The following EIF4A3 variants were observed in gnomAD, a reference collection of about 807,000 sequenced individuals.
The protein encoded by EIF4A3 is eukaryotic translation initiation factor 4A3, also known as eukaryotic initiation factor 4A-III.
A neutral mutation model predicts 55.6 loss-of-function variants in EIF4A3; 1 was observed. The ratio of observed to expected loss-of-function variants is 0.02; its 90% CI spans 0.01 to 0.09. The LOEUF is 0.09. EIF4A3 is among the 10% of genes least tolerant of loss of function. The pLI is 1.00. For synonymous variants in EIF4A3, 194 were observed against 196.3 expected, an observed-to-expected ratio of 0.99 and a Z score of 0.10; for missense variants, 221 against 540.7, an observed-to-expected ratio of 0.41 and a Z score of 5.86.
At chr17:80,136,576 G>C (rs1180470499) in intron 9 of EIF4A3, 1 of 529,934 alleles carries the variant, frequency 1.9e-6, no homozygotes, top group Non-Finnish European at 3.3e-6. Flanking sequence ...TAAAAAAATA[G>C]ACATCTTTTA....
At chr17:80,135,687 G>C in intron 11 of EIF4A3, 181 bp from the exon 12 acceptor site, 1 of 632,946 alleles carries the variant, frequency 1.6e-6, no homozygotes, top group Admixed American at 3.2e-5. Flanking sequence ...TTTGAGGCCA[G>C]GAGTTCGAGA....
intron 6 of EIF4A3, 116 bp from the exon 7 acceptor site, chr17:80,139,278 A>C (rs1324399096): frequency 1.4e-6 from 2 of 1,388,134 alleles, no homozygotes; most frequent in East Asian, 4.7e-5. Context: ...GGTACGTTTG[A>C]CAGGAAATCT....
chr17:80,146,149 C>T (rs1017227737), intron 1 of EIF4A3, among the ~76,000 whole-genome samples: 4 of 152,222 alleles, frequency 2.6e-5, no homozygotes, highest in African/African-American at 9.6e-5. Flanking sequence ...AATCCCACCA[C>T]AGGGGACTTC....
chr17:80,144,166 A>G lies in EIF4A3; in HGVS notation c.242+6T>C. 6.2e-7 allele frequency: 1 copy of G among 1,613,962 alleles called. No homozygotes were observed. On this transcript the variant is annotated splice_donor_region_variant and intron_variant, in intron 2 of 11. Transcript: ENST00000649764. ...CAGCCCTGCGCCGCACCCCAGGACA[A>G]CTTACTGTGCGATGACATCTCTCCC...
chr17:80,135,409 A>C lies in EIF4A3; in HGVS notation c.*81T>G. 6.7e-7 allele frequency: 1 copy of C among 1,493,494 alleles called. No homozygotes were observed. Among genetic ancestry groups the C allele is most frequent in the Non-Finnish European group, 8.9e-7 (1 of 1,120,432 alleles). The allele number at this position is 1,493,494 out of a possible 1,614,324, so 92.5% of individuals were successfully genotyped here. ...GAAGAAAGTCCATATAAACCCCATT[A>C]AGTAGAATCTGGATCTAAATACTTC... On this transcript the variant is annotated 3_prime_UTR_variant, in exon 12 of 12. Coordinates refer to ENST00000649764, the MANE Select transcript of EIF4A3 (RefSeq NM_014740.4).
intron 1 of EIF4A3, among the ~76,000 whole-genome samples, chr17:80,145,112 G>A (rs535121090): frequency 3.9e-5 from 6 of 152,312 alleles, no homozygotes; most frequent in Admixed American, 1.3e-4. Flanking sequence ...CAAGCACATA[G>A]ATGGGAAACT....
Position 80,141,350 on chromosome 17 carries a change from G to A in EIF4A3, c.341C>T (p.Pro114Leu). The A allele has an allele frequency of 6.2e-7, 1 of 1,613,764 alleles. No homozygotes were observed. The highest frequency in any genetic ancestry group is 8.5e-7 in the Non-Finnish European group (1 of 1,179,774). The change falls in exon 4 of 12, where the codon CCC becomes CTC. Residue 114 changes from proline to leucine, a missense_variant. Transcript: ENST00000649764. Reference sequence around the variant, plus strand: ...GATCTGCACAGCCAACTCTCTTGTGGGAGCCAAGATCAAAGCTTGAGTTTC... The same window carrying A: ...GATCTGCACAGCCAACTCTCTTGTGAGAGCCAAGATCAAAGCTTGAGTTTC... Reference protein sequence around the residue: ...VRETQALILAPTRELAVQIQK... With the variant: ...VRETQALILALTRELAVQIQK...
intron 4 of EIF4A3, chr17:80,140,377 A>G: frequency 2.8e-6 from 1 of 356,726 alleles, no homozygotes; most frequent in South Asian, 4.9e-5. Context: ...GCAGCAGCGC[A>G]ATCTTAGCTC....
At position 80,146,950 on chromosome 17, in the gene EIF4A3, C is replaced by T. The variant is rs760727882; in HGVS notation, c.12G>A (p.Thr4=). ...CCGAGCCCGAGGTCGCCATCGTGGC[C>T]GTGGTCGCCATGATTCAGAGTCCGC... The part of the protein sequence containing the change: MAT[T]ATMATSGSAR... Residue 4 remains threonine (T), a synonymous_variant, in exon 1 of 12, where the codon ACG becomes ACA. Coordinates refer to ENST00000649764, the MANE Select transcript of EIF4A3 (RefSeq NM_014740.4). 3 of 1,606,346 alleles carry T rather than the reference C, an allele frequency of 1.9e-6. No individual in the cohort carries two copies. Among genetic ancestry groups the T allele is most frequent in the Non-Finnish European group, 2.5e-6 (3 of 1,177,898 alleles).
chr17:80,145,738 C>T (rs1037149682), intron 1 of EIF4A3, among the ~76,000 whole-genome samples: 32 of 152,146 alleles, frequency 2.1e-4, no homozygotes, highest in Non-Finnish European at 1.5e-5. Flanking sequence ...TACCAAGAGA[C>T]AGCTCCTGAT....
rs528688506 is a variant in EIF4A3 at position 80,146,851 on chromosome 17, G to T, written c.111C>A (p.Thr37=). The change falls in exon 1 of 12, where the codon ACC becomes ACA. Residue 37 remains threonine, a synonymous_variant. Transcript: ENST00000649764. ...GCAGGCCCATGGTGTCGAACGTGGG[G>T]GTCACATCCACCTCCTCGCTGGTCT... ...EFETSEEVDV[T]PTFDTMGLRE... is the part of the protein sequence containing the mutation. The T allele has an allele frequency of 6.2e-7, 1 of 1,611,800 alleles. No individual in the cohort carries two copies. The highest frequency in any genetic ancestry group is 2.2e-5 in the East Asian group (1 of 44,716).
In EIF4A3 at chr17:80,146,863, C is replaced by A; in HGVS notation, c.99G>T (p.Glu33Asp). ...TGTCGAACGTGGGGGTCACATCCAC[C>A]TCCTCGCTGGTCTCGAATTCCACTT... ...MTKVEFETSE[E>D]VDVTPTFDTM... is the part of the protein sequence containing the mutation. The change falls in exon 1 of 12, where the codon GAG becomes GAT. Residue 33 changes from glutamate to aspartate, a missense_variant. By Grantham distance (45) the Glu-to-Asp change is conservative. Around this residue, in one of 4 missense-constraint regions of EIF4A3, gnomAD observed 85 missense variants for 205.8 expected, o/e 0.41. Transcript: ENST00000649764. The A allele has an allele frequency of 6.2e-7, 1 of 1,611,748 alleles. No homozygotes were observed. The highest frequency in any genetic ancestry group is 8.5e-7 in the Non-Finnish European group (1 of 1,179,198).
chr17:80,135,403 C>A lies in EIF4A3; in HGVS notation c.*87G>T. The stretch of plus-strand genomic sequence containing the variant: ...TTATGAGAAGAAAGTCCATATAAAC[C>A]CCATTAAGTAGAATCTGGATCTAAA... On this transcript the variant is annotated 3_prime_UTR_variant, in exon 12 of 12. Transcript: ENST00000649764. 2 of 1,471,826 alleles carry A rather than the reference C, an allele frequency of 1.4e-6. No homozygotes were observed. The highest frequency in any genetic ancestry group is 1.8e-6 in the Non-Finnish European group (2 of 1,105,662). 91.2% of individuals were successfully genotyped at this position (1,471,826 alleles called of 1,614,324 possible).
chr17:80,141,501 T>C, intron 3 of EIF4A3, 120 bp from the exon 4 acceptor site: 2 of 1,083,704 alleles, frequency 1.8e-6, no homozygotes, highest in Non-Finnish European at 2.7e-6. Flanking sequence ...TTCTCATCTC[T>C]TACAGGTTAG....
rs775472450 is a variant in EIF4A3 at position 80,144,158 on chromosome 17, CCA to C, written c.242+12_242+13del. On this transcript the variant is annotated intron_variant, in intron 2 of 11. Coordinates refer to ENST00000649764, the MANE Select transcript of EIF4A3 (RefSeq NM_014740.4). ...TTTACATCCAGCCCTGCGCCGCACCCCAGGACAACTTACTGTGCGATGACATC... is the reference window on the plus strand; with the variant it reads ...TTTACATCCAGCCCTGCGCCGCACCCGGACAACTTACTGTGCGATGACATC... 1 of 1,613,644 alleles carries C rather than the reference CCA, an allele frequency of 6.2e-7. No homozygotes were observed. Among genetic ancestry groups the C allele is most frequent in the Non-Finnish European group, 8.5e-7 (1 of 1,179,606 alleles).
intron 7 of EIF4A3, 126 bp downstream of exon 7, chr17:80,138,895 G>A (rs899855698): frequency 1.8e-5 from 23 of 1,273,848 alleles, no homozygotes; most frequent in East Asian, 9.4e-5. Context: ...CCTGAGGTCC[G>A]GGTTTTGACA....
intron 6 of EIF4A3, chr17:80,139,373 T>C: frequency 1.5e-6 from 1 of 687,018 alleles, no homozygotes; most frequent in South Asian, 2.1e-5. Context: ...TGAGGGAATC[T>C]GGTTTCCCTT....
In EIF4A3 at chr17:80,141,854, C is replaced by A. The variant is rs746985089; in HGVS notation, c.243-6G>T. ...TTCCTGTGCCGGACTGAGACCTATT[C>A]AAGGAAACAAAAGCAGTGGGATTAG... On this transcript the variant is annotated splice_region_variant and splice_polypyrimidine_tract_variant and intron_variant, in intron 2 of 11. Coordinates refer to ENST00000649764, the MANE Select transcript of EIF4A3 (RefSeq NM_014740.4). 1.9e-6 allele frequency: 3 copies of A among 1,613,598 alleles called. No individual in the cohort carries two copies. In the South Asian group the frequency reaches 3.3e-5, roughly 18 times the overall value.
intron 7 of EIF4A3, chr17:80,138,489 T>G: frequency 1.8e-6 from 1 of 561,038 alleles, no homozygotes; most frequent in Middle Eastern, 4.8e-4. Flanking sequence ...TTTCACAATG[T>G]GCACCACATG....
Sources: allele counts gnomAD v4.1 joint callset (sites outside exome capture counted in the v4.1 genomes callset), GRCh38; gene constraint gnomAD v4.1.1; regional missense constraint gnomAD v4.1.1; transcripts MANE v1.5; gene names NCBI Gene and HGNC (gene_info 2026-07-23, HGNC 2026-07-21).